Variants in TNRC6B observed in about 807,000 individuals in gnomAD.
TNRC6B encodes the protein trinucleotide repeat-containing gene 6B protein.
In TNRC6B, 52 loss-of-function variants were observed where a neutral mutation model predicts 203.6. The ratio of observed to expected loss-of-function variants is 0.26; its 90% CI spans 0.20 to 0.32. The LOEUF is 0.32. Among genes scored for constraint, TNRC6B ranks in the 10% least tolerant of loss-of-function variants. TNRC6B has a pLI of 1.00. For synonymous variants in TNRC6B, 838 were observed against 845.7 expected, an observed-to-expected ratio of 0.99 and a Z score of 0.16; for missense variants, 1,923 against 2,286.2, an observed-to-expected ratio of 0.84 and a Z score of 3.24.
chr22:40,159,593 T>C (rs1434516350), intron 4 of TNRC6B, among the ~76,000 whole-genome samples: 2 of 151,632 alleles, frequency 1.3e-5, no homozygotes, highest in Non-Finnish European at 2.9e-5. Context: ...GAGCCAAGAT[T>C]GTGCCACTGC....
intron 3 of TNRC6B, among the ~76,000 whole-genome samples, chr22:40,138,297 G>A (rs1487566607): frequency 1.3e-5 from 2 of 152,170 alleles, no homozygotes; most frequent in African/African-American, 2.4e-5. Flanking sequence ...ACGGAGTCTC[G>A]CTCTGTTGCT....
In TNRC6B at chr22:40,170,438, TTA is replaced by T. The variant is rs1216394867; in HGVS notation, c.113+14266_113+14267del. Reference sequence around the variant, plus strand: ...TTTATATATATATTATATATATAGTTTATATATATATTATATATATAGTTTAT... The same window carrying T: ...TTTATATATATATTATATATATAGTTTATATATATTATATATATAGTTTAT... On this transcript the variant is annotated intron_variant, in intron 4 of 23. Coordinates refer to the TNRC6B transcript ENST00000301923. Among the ~76,000 whole-genome samples, 7 of 16,464 alleles carry T rather than the reference TTA, an allele frequency of 4.3e-4. 1 individual carries two copies. In the African/African-American group the frequency reaches 4.8e-3, roughly 11 times the overall value. The allele number at this position is 16,464 out of a possible 152,430, so 10.8% of individuals were successfully genotyped here.
intron 7 of TNRC6B, among the ~76,000 whole-genome samples, chr22:40,273,987 G>C (rs979153563): frequency 3.9e-5 from 6 of 152,058 alleles, no homozygotes; most frequent in Non-Finnish European, 8.8e-5. Flanking sequence ...AGGCAACTGG[G>C]GTCCTCAAGG....
chr22:40,133,477 C>T (rs1290011195), intron 3 of TNRC6B, among the ~76,000 whole-genome samples: 1 of 152,066 alleles, frequency 6.6e-6, no homozygotes, highest in Non-Finnish European at 1.5e-5. Context: ...GTAACCATAC[C>T]ATACAGGCTA....
chr22:40,253,542 C>G, intron 3 of TNRC6B: 1 of 455,060 alleles, frequency 2.2e-6, no homozygotes, highest in Non-Finnish European at 4.4e-6. Flanking sequence ...CTCATACCTA[C>G]TATATAATGA....
At chr22:40,262,263 T>C in intron 4 of TNRC6B, 90 bp downstream of exon 4, 1 of 1,196,792 alleles carries the variant, frequency 8.4e-7, no homozygotes, top group Non-Finnish European at 1.1e-6. Context: ...AGGAAAGCCA[T>C]TCATTATATA....
intron 4 of TNRC6B, among the ~76,000 whole-genome samples, chr22:40,167,593 A>G (rs578036914): frequency 2.9e-4 from 44 of 151,984 alleles, no homozygotes; most frequent in African/African-American, 1.0e-3. Context: ...TTTAACCACA[A>G]TAAAAATTTT....
intron 1 of TNRC6B, among the ~76,000 whole-genome samples, chr22:40,193,765 C>T (rs1048293225): frequency 1.3e-5 from 2 of 151,958 alleles, no homozygotes; most frequent in Admixed American, 1.3e-4. Context: ...GAAGCATTCA[C>T]TGTTTCTGTA....
chr22:40,335,349 A>C lies in TNRC6B; in HGVS notation c.*12108A>C, dbSNP rs1162785409. ...TCCTTTTTAGTATAGTGGTACTTAAAATCACTGGTTCACTTAAAAAAACAA... is the reference window on the plus strand; with the variant it reads ...TCCTTTTTAGTATAGTGGTACTTAACATCACTGGTTCACTTAAAAAAACAA... On this transcript the variant is annotated 3_prime_UTR_variant, in exon 23 of 23. Transcript: ENST00000454349. The C allele has an allele frequency of 2.0e-5, 3 of 151,598 alleles. No individual in the cohort carries two copies. The highest frequency in any genetic ancestry group is 7.3e-5 in the African/African-American group (3 of 41,256). 9.4% of individuals were successfully genotyped at this position (151,598 alleles called of 1,614,324 possible).
chr22:40,169,130 CTTTTTT>C (rs135632), intron 4 of TNRC6B, among the ~76,000 whole-genome samples: 5 of 109,668 alleles, frequency 4.6e-5, no homozygotes, highest in African/African-American at 1.4e-4. Context: ...TTGGAATCTT[CTTTTTT>C]TTTTTTTTTT....
chr22:40,175,941 G>T (rs1312897368), upstream of TNRC6B, among the ~76,000 whole-genome samples: 1 of 152,178 alleles, frequency 6.6e-6, no homozygotes, highest in African/African-American at 2.4e-5. Flanking sequence ...GACAACAAGT[G>T]TTGTGGGATT....
chr22:40,280,200 T>C, intron 10 of TNRC6B, 57 bp downstream of exon 10: 1 of 1,541,288 alleles, frequency 6.5e-7, no homozygotes. Context: ...TGGTTCCCAT[T>C]TGTCTTTTGA....
chr22:40,318,028 G>T (rs1170133077), intron 21 of TNRC6B, among the ~76,000 whole-genome samples: 1 of 152,148 alleles, frequency 6.6e-6, no homozygotes, highest in Non-Finnish European at 1.5e-5. Context: ...AAACTAAGCA[G>T]ATTTTTTCAC....
At chr22:40,078,247 G>A (rs139285959) in intron 1 of TNRC6B, among the ~76,000 whole-genome samples, 114 of 152,246 alleles carry the variant, frequency 7.5e-4, no homozygotes, top group Middle Eastern at 3.4e-3. Context: ...TTTATGATTG[G>A]CTGGTTTTAG....
chr22:40,093,293 A>C (rs1481087610), intron 1 of TNRC6B, among the ~76,000 whole-genome samples: 2 of 152,242 alleles, frequency 1.3e-5, no homozygotes, highest in Non-Finnish European at 2.9e-5. Flanking sequence ...AGAGACAGAG[A>C]AAATGTTAAA....
At chr22:40,269,126 CTTTTTTTTT>C (rs35575346) in intron 5 of TNRC6B, among the ~76,000 whole-genome samples, 7 of 57,854 alleles carry the variant, frequency 1.2e-4, no homozygotes, top group Non-Finnish European at 1.6e-4. Flanking sequence ...TACAGTATTT[CTTTTTTTTT>C]TTTTTTTTTT....
chr22:40,246,811 A>G (rs1312290586), intron 2 of TNRC6B, among the ~76,000 whole-genome samples: 2 of 152,076 alleles, frequency 1.3e-5, no homozygotes, highest in Admixed American at 6.6e-5. Context: ...TGTTGTCTAG[A>G]TGAGTCTACC....
chr22:40,258,324 G>T (rs1189780607), intron 3 of TNRC6B, among the ~76,000 whole-genome samples: 1 of 151,894 alleles, frequency 6.6e-6, no homozygotes, highest in Non-Finnish European at 1.5e-5. Flanking sequence ...TAACATTCTG[G>T]ACCATGATGA....
chr22:40,197,574 A>C (rs1433124733), intron 1 of TNRC6B, among the ~76,000 whole-genome samples: 2 of 149,716 alleles, frequency 1.3e-5, no homozygotes, highest in Non-Finnish European at 3.0e-5. Context: ...AGCATGAGCC[A>C]CCGCACCCAG....
Sources: gnomAD v4.1 joint callset for allele counts (sites outside exome capture counted in the v4.1 genomes callset) on GRCh38, gnomAD v4.1.1 for gene constraint, MANE v1.5 for transcripts, NCBI Gene and HGNC (gene_info 2026-07-23, HGNC 2026-07-21) for gene names.